PKP4: variants seen among roughly 807,000 people sequenced by gnomAD.
The protein encoded by PKP4 is plakophilin 4, also known as plakophilin-4.
Under a neutral mutation model 145.1 loss-of-function variants are expected in PKP4, and 90 were observed. The ratio of observed to expected loss-of-function variants is 0.62; its 90% CI spans 0.52 to 0.74. The LOEUF (loss-of-function observed/expected upper bound fraction) is 0.74. Among genes scored for constraint, PKP4 ranks in the 30% least tolerant of loss-of-function variants. The probability of loss-of-function intolerance (pLI) is 0.00; values close to 1 mark genes in which losing one functional copy is unlikely to be tolerated. For synonymous variants in PKP4, 563 were observed against 577.2 expected (o/e 0.98, Z 0.35); for missense variants, 1,340 against 1,482.7 (o/e 0.90, Z 1.58).
At chr2:158,534,302 C>T (rs1458680947) in intron 2 of PKP4, among the ~76,000 whole-genome samples, 6 of 152,232 alleles carry the variant, frequency 3.9e-5, no homozygotes, top group Admixed American at 6.5e-5. Context: ...GCTCTATAAC[C>T]GTGACACATG....
intron 2 of PKP4, among the ~76,000 whole-genome samples, chr2:158,547,892 G>A (rs1314711436): frequency 2.0e-5 from 3 of 152,232 alleles, no homozygotes; most frequent in Admixed American, 2.0e-4. Context: ...TGAGCGTCGA[G>A]GAGTGAAGCT....
At chr2:158,613,092 T>C (rs1017525652) in intron 4 of PKP4, among the ~76,000 whole-genome samples, 1 of 151,870 alleles carries the variant, frequency 6.6e-6, no homozygotes, top group Non-Finnish European at 1.5e-5. Flanking sequence ...TACTTCAGAG[T>C]CACCTGCAGA....
chr2:158,635,383 T>C (rs995014063), intron 9 of PKP4, among the ~76,000 whole-genome samples: 1 of 152,196 alleles, frequency 6.6e-6, no homozygotes, highest in Non-Finnish European at 1.5e-5. Context: ...GTTTCAAAAA[T>C]AACTTGTCTA....
At chr2:158,676,221 C>T (rs980665250) in intron 19 of PKP4, among the ~76,000 whole-genome samples, 1 of 152,246 alleles carries the variant, frequency 6.6e-6, no homozygotes, top group Admixed American at 6.5e-5. Context: ...TTTATTCAAA[C>T]ATGTTTAGAG....
intron 4 of PKP4, among the ~76,000 whole-genome samples, chr2:158,619,945 G>A (rs200828975): frequency 6.5e-5 from 3 of 46,390 alleles, no homozygotes; most frequent in Admixed American, 7.3e-4. Context: ...ACACACACAC[G>A]CACACACACA....
intron 1 of PKP4, among the ~76,000 whole-genome samples, chr2:158,466,559 G>A (rs1431645243): frequency 6.6e-6 from 1 of 151,596 alleles, no homozygotes; most frequent in East Asian, 1.9e-4. Flanking sequence ...AAAAAAATTA[G>A]CCAGGCGTGG....
At chr2:158,460,833 C>CTGT (rs1689653173) in intron 1 of PKP4, among the ~76,000 whole-genome samples, 1 of 152,198 alleles carries the variant, frequency 6.6e-6, no homozygotes, top group South Asian at 2.1e-4. Context: ...TGAAATGATT[C>CTGT]TGTAGTGCCC....
intron 9 of PKP4, among the ~76,000 whole-genome samples, chr2:158,639,516 TA>T (rs2054100608): frequency 6.6e-6 from 1 of 152,234 alleles, no homozygotes; most frequent in Non-Finnish European, 1.5e-5. Flanking sequence ...TTTAAAGGTT[TA>T]CTCAGTATGA....
intron 1 of PKP4, among the ~76,000 whole-genome samples, chr2:158,528,988 G>T (rs1227024873): frequency 2.0e-5 from 3 of 152,130 alleles, no homozygotes; most frequent in African/African-American, 4.8e-5. Context: ...CTTAGTGTTG[G>T]CCTCAAGATT....
At chr2:158,608,923 C>T (rs1482154127) in intron 4 of PKP4, among the ~76,000 whole-genome samples, 2 of 146,158 alleles carry the variant, frequency 1.4e-5, no homozygotes, top group Non-Finnish European at 3.0e-5. Flanking sequence ...AAGAGATTCT[C>T]CTGTCTCTGC....
chr2:158,471,261 T>C (rs1214497477), intron 1 of PKP4, among the ~76,000 whole-genome samples: 1 of 152,208 alleles, frequency 6.6e-6, no homozygotes. Flanking sequence ...GGAGGATAGG[T>C]TGTAAATCAC....
intron 2 of PKP4, among the ~76,000 whole-genome samples, chr2:158,554,673 C>T (rs891362616): frequency 1.2e-4 from 18 of 152,274 alleles, no homozygotes; most frequent in East Asian, 3.9e-4. Flanking sequence ...GATCCGCCTG[C>T]GTCAGCCTCC....
intron 3 of PKP4, among the ~76,000 whole-genome samples, chr2:158,591,466 A>T (rs748665886): frequency 2.6e-5 from 4 of 152,114 alleles, no homozygotes; most frequent in Non-Finnish European, 5.9e-5. Context: ...AAAGATGTCA[A>T]TGAAATAAGT....
At chr2:158,647,136 A>G (rs1022689406) in intron 11 of PKP4, among the ~76,000 whole-genome samples, 2 of 152,210 alleles carry the variant, frequency 1.3e-5, no homozygotes, top group African/African-American at 2.4e-5. Context: ...CCCATCTCCT[A>G]TAAAGTCCCC....
At chr2:158,578,504 G>A (rs904475739) in intron 3 of PKP4, among the ~76,000 whole-genome samples, 3 of 66,624 alleles carry the variant, frequency 4.5e-5, no homozygotes, top group African/African-American at 7.2e-5. Flanking sequence ...GAAATAATTC[G>A]TTAAGTTAAA....
intron 1 of PKP4, among the ~76,000 whole-genome samples, chr2:158,479,663 TG>T (rs1429032456): frequency 2.0e-5 from 3 of 152,238 alleles, no homozygotes; most frequent in Non-Finnish European, 2.9e-5. Flanking sequence ...TTTATCAATT[TG>T]GAAAGGAGTT....
intron 2 of PKP4, 189 bp downstream of exon 2, chr2:158,533,505 G>A (rs757818858): frequency 4.4e-6 from 3 of 681,608 alleles, no homozygotes; most frequent in South Asian, 1.5e-5. Flanking sequence ...AGTCAGAATC[G>A]GAACATGCAG....
rs561645645 is a variant in PKP4 at position 158,568,157 on chromosome 2, A to G, written c.133-9114A>G. ...AAGACCAGCCTGGCCAACATGGTGAAACCCCTTCTCTACTAAAAATACAAA... is the reference window on the plus strand; with the variant it reads ...AAGACCAGCCTGGCCAACATGGTGAGACCCCTTCTCTACTAAAAATACAAA... On this transcript the variant is annotated intron_variant, in intron 2 of 21. Coordinates refer to ENST00000389759, the MANE Select transcript of PKP4 (RefSeq NM_003628.6). 2.0e-5 allele frequency among the ~76,000 whole-genome samples: 3 copies of G among 152,216 alleles called. No homozygotes were observed. The South Asian group carries it at 6.2e-4, about 32-fold the overall frequency.
chr2:158,570,564 C>T (rs1574539330), intron 2 of PKP4, among the ~76,000 whole-genome samples: 1 of 152,104 alleles, frequency 6.6e-6, no homozygotes, highest in African/African-American at 2.4e-5. Context: ...CTTTCTTAAC[C>T]AGTAATTCTA....
Sources: allele counts gnomAD v4.1 joint callset (sites outside exome capture counted in the v4.1 genomes callset), GRCh38; gene constraint gnomAD v4.1.1; transcripts MANE v1.5; gene names NCBI Gene and HGNC (gene_info 2026-07-23, HGNC 2026-07-21).